The following PCCB variants were observed in gnomAD, a reference collection of about 807,000 sequenced individuals.
PCCB encodes the protein propionyl-CoA carboxylase beta chain, mitochondrial.
PCCB carries 43 observed loss-of-function variants against 60.7 expected under a neutral mutation model. The observed-to-expected ratio is 0.71, with a 90% CI of 0.55 to 0.91. PCCB has a LOEUF of 0.91. PCCB is among the 40% of genes least tolerant of loss of function. The probability of loss-of-function intolerance (pLI) is 0.00; values close to 1 mark genes in which losing one functional copy is unlikely to be tolerated. For missense variants in PCCB, 766 were observed against 702.8 expected (o/e 1.09, Z -1.02); for synonymous variants, 276 against 255.9 (o/e 1.08, Z -0.75).
chr3:136,320,659 T>C lies in PCCB; in HGVS notation c.1090+3595T>C, dbSNP rs958074070. ...GACATGGGGTATTTTCACCTTTTAG[T>C]TGTGAATAATGCTGGTGAATATTGT... On this transcript the variant is annotated intron_variant, in intron 10 of 14. Coordinates refer to ENST00000251654, the MANE Select transcript of PCCB (RefSeq NM_000532.5). Among the ~76,000 whole-genome samples the C allele has an allele frequency of 2.0e-5, 3 of 152,236 alleles. No homozygotes were observed. The South Asian group carries it at 6.2e-4, about 32-fold the overall frequency.
chr3:136,285,409 T>TA, intron 6 of PCCB, among the ~76,000 whole-genome samples: 1 of 152,138 alleles, frequency 6.6e-6, no homozygotes, highest in East Asian at 1.9e-4. Flanking sequence ...CATCAAAACT[T>TA]AATCACACTC....
At chr3:136,318,043 T>G (rs941654133) in intron 10 of PCCB, among the ~76,000 whole-genome samples, 1 of 152,212 alleles carries the variant, frequency 6.6e-6, no homozygotes, top group Admixed American at 6.5e-5. Context: ...TTATTGTCTT[T>G]AGAAAACTGT....
At chr3:136,278,695 T>G (rs1285601668) in intron 5 of PCCB, among the ~76,000 whole-genome samples, 1 of 152,214 alleles carries the variant, frequency 6.6e-6, no homozygotes, top group East Asian at 1.9e-4. Flanking sequence ...AATTTAAGAT[T>G]TGTTTTGTGG....
At chr3:136,264,146 A>T (rs1941904716) in intron 5 of PCCB, among the ~76,000 whole-genome samples, 3 of 152,134 alleles carry the variant, frequency 2.0e-5, no homozygotes, top group Admixed American at 1.3e-4. Flanking sequence ...CCATATATAC[A>T]TATTTGCATG....
At chr3:136,301,845 T>G (rs1934297165) in intron 9 of PCCB, among the ~76,000 whole-genome samples, 2 of 152,242 alleles carry the variant, frequency 1.3e-5, no homozygotes, top group East Asian at 3.8e-4. Flanking sequence ...AAGGTCTTCC[T>G]TAGGTCTTTT....
At chr3:136,250,995 C>T (rs1332076867) in intron 1 of PCCB, among the ~76,000 whole-genome samples, 1 of 152,182 alleles carries the variant, frequency 6.6e-6, no homozygotes, top group East Asian at 1.9e-4. Context: ...TTTGTGGAAG[C>T]AGGAAAACTG....
At chr3:136,273,780 C>T (rs1234087867) in intron 5 of PCCB, among the ~76,000 whole-genome samples, 11 of 149,510 alleles carry the variant, frequency 7.4e-5, no homozygotes, top group Admixed American at 3.3e-4. Flanking sequence ...GGCGTGGTGG[C>T]GGGTGCCTGT....
intron 10 of PCCB, among the ~76,000 whole-genome samples, chr3:136,319,222 T>C (rs1485690685): frequency 6.6e-6 from 1 of 152,222 alleles, no homozygotes; most frequent in Non-Finnish European, 1.5e-5. Flanking sequence ...TGGAAAAATG[T>C]CTATTCAAGT....
At chr3:136,296,949 T>A (rs886863675) in intron 7 of PCCB, among the ~76,000 whole-genome samples, 9 of 152,362 alleles carry the variant, frequency 5.9e-5, no homozygotes, top group African/African-American at 1.9e-4. Context: ...ATGGGGCTTA[T>A]ATTCTAGTAG....
chr3:136,258,110 C>G (rs1245160258), intron 3 of PCCB, among the ~76,000 whole-genome samples: 2 of 152,072 alleles, frequency 1.3e-5, no homozygotes, highest in Admixed American at 1.3e-4. Flanking sequence ...CTGAGAAAAA[C>G]TTGTACAGAA....
intron 5 of PCCB, among the ~76,000 whole-genome samples, chr3:136,266,676 A>AGAAAT (rs1941992054): frequency 3.3e-5 from 5 of 152,160 alleles, no homozygotes; most frequent in African/African-American, 1.2e-4. Flanking sequence ...AATCATGTTG[A>AGAAAT]GCATCTTTAT....
intron 8 of PCCB, among the ~76,000 whole-genome samples, chr3:136,298,409 A>C (rs1934035186): frequency 6.6e-6 from 1 of 152,134 alleles, no homozygotes; most frequent in Non-Finnish European, 1.5e-5. Flanking sequence ...CCCATGAAGA[A>C]GTCTCCCATT....
At chr3:136,327,547 C>A in intron 12 of PCCB, 87 bp from the exon 13 acceptor site, 1 of 1,031,776 alleles carries the variant, frequency 9.7e-7, no homozygotes, top group Non-Finnish European at 1.5e-6. Context: ...TGTTCTTTGT[C>A]CCAATTTTAC....
At chr3:136,267,194 TTTA>T (rs1281148238) in intron 5 of PCCB, among the ~76,000 whole-genome samples, 1 of 152,136 alleles carries the variant, frequency 6.6e-6, no homozygotes. Context: ...CTATTTTTAT[TTTA>T]TTTTTTAGAG....
At chr3:136,277,850 G>A (rs1214111525) in intron 5 of PCCB, among the ~76,000 whole-genome samples, 1 of 152,162 alleles carries the variant, frequency 6.6e-6, no homozygotes, top group Non-Finnish European at 1.5e-5. Flanking sequence ...TTCCCTGTGG[G>A]AAAGCAGCTG....
In PCCB at chr3:136,303,612, T is replaced by A. The variant is rs982400158; in HGVS notation, c.966+2501T>A. Among the ~76,000 whole-genome samples, 26 of 121,154 alleles carry A rather than the reference T, an allele frequency of 2.1e-4. 4 individuals are homozygous for A. Among genetic ancestry groups the A allele is most frequent in the East Asian group, 1.2e-3 (2 of 1,656 alleles). The allele number at this position is 121,154 out of a possible 152,430, so 79.5% of individuals were successfully genotyped here. On this transcript the variant is annotated intron_variant, in intron 9 of 14. Transcript: ENST00000251654. ...TACTTATTTATTTATTTAAAAAAAA[T>A]TTTTTTTTGAGACAGAGTTTTGCTC...
Position 136,317,039 on chromosome 3 carries a change from T to C in PCCB, c.1065T>C (p.Val355=). ...TGAATGGGAGGACTGTTGGAATTGT[T>C]GGCAACCAACCTAAGGTGGCCTCAG... The part of the protein sequence containing the change: ...ARMNGRTVGI[V]GNQPKVASGC... Residue 355 remains valine (V), a synonymous_variant, in exon 10 of 15, where the codon GTT becomes GTC. Coordinates refer to ENST00000251654, the MANE Select transcript of PCCB (RefSeq NM_000532.5). 1 of 1,614,042 alleles carries C rather than the reference T, an allele frequency of 6.2e-7. No homozygotes were observed. The highest frequency in any genetic ancestry group is 1.1e-5 in the South Asian group (1 of 91,068).
chr3:136,329,461 C>T (rs1338139527), intron 14 of PCCB, among the ~76,000 whole-genome samples: 1 of 152,184 alleles, frequency 6.6e-6, no homozygotes, highest in African/African-American at 2.4e-5. Flanking sequence ...ATTTTTGCCA[C>T]ATTTTATAGG....
intron 9 of PCCB, among the ~76,000 whole-genome samples, chr3:136,314,373 G>A (rs1164331402): frequency 2.0e-5 from 3 of 152,132 alleles, no homozygotes; most frequent in Admixed American, 2.0e-4. Context: ...AAGAAAAGTG[G>A]AATTGGAAAA....
Sources: gnomAD v4.1 joint callset for allele counts (sites outside exome capture counted in the v4.1 genomes callset) on GRCh38, gnomAD v4.1.1 for gene constraint, MANE v1.5 for transcripts, NCBI Gene and HGNC (gene_info 2026-07-23, HGNC 2026-07-21) for gene names.